Variants in EBF4 observed in about 807,000 individuals in gnomAD.
EBF4 encodes the protein EBF transcription factor 4.
A neutral mutation model predicts 67.1 loss-of-function variants in EBF4; 34 were observed. The observed-to-expected ratio is 0.51, with a 90% CI of 0.39 to 0.67. EBF4 has a LOEUF of 0.67. EBF4 is among the 30% of genes least tolerant of loss of function. The probability of loss-of-function intolerance (pLI) is 0.00; values close to 1 mark genes in which losing one functional copy is unlikely to be tolerated. For synonymous variants in EBF4, 387 were observed against 377.7 expected (o/e 1.02, Z -0.29); for missense variants, 837 against 873.3 (o/e 0.96, Z 0.52).
At chr20:2,732,560 C>A (rs1476854508) in intron 6 of EBF4, among the ~76,000 whole-genome samples, 1 of 152,212 alleles carries the variant, frequency 6.6e-6, no homozygotes, top group Non-Finnish European at 1.5e-5. Flanking sequence ...CTCCAGCTAT[C>A]TTTCAGTTAG....
At chr20:2,740,139 G>A (rs1438352220) in intron 6 of EBF4, among the ~76,000 whole-genome samples, 1 of 152,116 alleles carries the variant, frequency 6.6e-6, no homozygotes, top group African/African-American at 2.4e-5. Context: ...ATGGTGAAAC[G>A]CTGTCTCTAC....
Position 2,710,315 on chromosome 20 carries a change from A to AT in EBF4, c.557+679dup, listed in dbSNP as rs766773622. Among the ~76,000 whole-genome samples, 16 of 151,916 alleles carry AT rather than the reference A, an allele frequency of 1.1e-4. No individual in the cohort carries two copies. In the East Asian group the frequency reaches 1.9e-3, roughly 18 times the overall value. On this transcript the variant is annotated intron_variant, in intron 6 of 16. Transcript: ENST00000609451. ...AAGGACACGCCTCCACACCTGGCTA[A>AT]TTTTTTGTATTTTTTGTAGAGACCG...
intron 6 of EBF4, among the ~76,000 whole-genome samples, chr20:2,716,264 C>T (rs1031495106): frequency 4.7e-5 from 7 of 149,872 alleles, no homozygotes; most frequent in African/African-American, 1.2e-4. Flanking sequence ...CAGTGGCTCA[C>T]GCCTGTAATC....
At chr20:2,721,809 A>G (rs531948402) in intron 6 of EBF4, among the ~76,000 whole-genome samples, 2 of 152,264 alleles carry the variant, frequency 1.3e-5, no homozygotes, top group East Asian at 3.9e-4. Flanking sequence ...CTCTTCTATT[A>G]TATTTTTCTG....
chr20:2,744,053 C>T (rs1271872090), intron 6 of EBF4, among the ~76,000 whole-genome samples: 1 of 151,492 alleles, frequency 6.6e-6, no homozygotes, highest in Non-Finnish European at 1.5e-5. Flanking sequence ...GCTCTACCTC[C>T]AGGTCATCAA....
intron 5 of EBF4, among the ~76,000 whole-genome samples, 193 bp from the exon 6 acceptor site, chr20:2,709,381 C>T (rs1404395303): frequency 6.6e-6 from 1 of 151,914 alleles, no homozygotes; most frequent in African/African-American, 2.4e-5. Flanking sequence ...GCTAGGCTCT[C>T]AGGGTCCCTG....
Position 2,751,580 on chromosome 20 carries a change from G to T in EBF4, c.1019-120G>T. ...CCGGGGGACTTGGGCTGGGCCTGGTGGAGGGGGCTGCAGCGAGGCTCTCGG... is the reference window on the plus strand; with the variant it reads ...CCGGGGGACTTGGGCTGGGCCTGGTTGAGGGGGCTGCAGCGAGGCTCTCGG... On this transcript the variant is annotated intron_variant, in intron 10 of 16. Transcript: ENST00000609451. The surrounding 1 kb of genome is among the most constrained non-coding windows in gnomAD (Gnocchi z 5.2). The T allele has an allele frequency of 1.0e-6, 1 of 1,003,254 alleles. No individual in the cohort carries two copies. The allele number at this position is 1,003,254 out of a possible 1,614,324, so 62.1% of individuals were successfully genotyped here.
intron 6 of EBF4, among the ~76,000 whole-genome samples, chr20:2,742,256 C>T (rs1046123801): frequency 3.3e-5 from 5 of 152,068 alleles, no homozygotes; most frequent in Non-Finnish European, 5.9e-5. Flanking sequence ...TTTTCTCATC[C>T]GTAAAGTGGG....
chr20:2,699,852 G>A (rs1006667935), intron 1 of EBF4, among the ~76,000 whole-genome samples: 8 of 152,212 alleles, frequency 5.3e-5, no homozygotes, highest in Non-Finnish European at 1.2e-4. Flanking sequence ...AGGCCCTTGG[G>A]GCTGTAGCTT....
At chr20:2,695,030 G>A (rs1047137570) in intron 1 of EBF4, among the ~76,000 whole-genome samples, 9 of 151,872 alleles carry the variant, frequency 5.9e-5, no homozygotes, top group Non-Finnish European at 1.3e-4. Flanking sequence ...ACATTTTAGT[G>A]TATTTCCTTC....
At position 2,707,183 on chromosome 20, in the gene EBF4, T is replaced by C. The variant is rs926827737; in HGVS notation, c.415-764T>C. On this transcript the variant is annotated intron_variant, in intron 4 of 16. Coordinates refer to ENST00000609451, the Ensembl canonical transcript of EBF4. This position sits in a 1 kb window ranked among gnomAD's most constrained non-coding sequence, Gnocchi z 4.6. ...TTGTTTCTAGAATACCCATGGCCAC[T>C]GGGCTGGGGGAGGCAGGCCAGGCAG... Among the ~76,000 whole-genome samples, 4 of 152,028 alleles carry C rather than the reference T, an allele frequency of 2.6e-5. No individual in the cohort carries two copies. The highest frequency in any genetic ancestry group is 9.7e-5 in the African/African-American group (4 of 41,382).
chr20:2,727,802 C>T, intron 6 of EBF4, among the ~76,000 whole-genome samples: 1 of 152,194 alleles, frequency 6.6e-6, no homozygotes, highest in East Asian at 1.9e-4. Context: ...ATTTGCATTT[C>T]TCTAATGATG....
chr20:2,757,162 A>G (rs948181705), intron 15 of EBF4, among the ~76,000 whole-genome samples: 8 of 152,260 alleles, frequency 5.3e-5, no homozygotes, highest in African/African-American at 1.7e-4. Flanking sequence ...AAAATGCTCT[A>G]TGGAGCCTCT....
chr20:2,703,650 G>C (rs1285737763), intron 1 of EBF4, among the ~76,000 whole-genome samples: 5 of 147,090 alleles, frequency 3.4e-5, no homozygotes, highest in Admixed American at 6.8e-5. Context: ...GTGACAGAGT[G>C]AGATCCTGCC....
At chr20:2,759,547 C>G (rs137968630), downstream of EBF4, 53 of 158,856 alleles carry the variant, frequency 3.3e-4, no homozygotes, top group East Asian at 8.8e-3. Context: ...CTGGGCCTCA[C>G]TGTCTGGGTC....
intron 7 of EBF4, 139 bp downstream of exon 7, chr20:2,748,769 C>G: frequency 1.0e-6 from 1 of 993,986 alleles, no homozygotes; most frequent in Non-Finnish European, 1.4e-6. Context: ...TGTGCCTCCC[C>G]AGCCTGGTTG....
intron 6 of EBF4, 40 bp downstream of exon 6, chr20:2,709,682 G>A: frequency 6.7e-7 from 1 of 1,491,616 alleles, no homozygotes; most frequent in South Asian, 1.3e-5. Flanking sequence ...TCAGAGGAGA[G>A]TGGGGGAGGG....
chr20:2,726,892 T>C (rs973160216), intron 6 of EBF4, among the ~76,000 whole-genome samples: 4 of 152,286 alleles, frequency 2.6e-5, no homozygotes, highest in African/African-American at 7.2e-5. Flanking sequence ...CTTTTTCATC[T>C]TGCAAACCCG....
exon 4 of EBF4, chr20:2,706,235 G>C (rs1393824526): frequency 2.6e-6 from 4 of 1,552,038 alleles, no homozygotes; most frequent in Non-Finnish European, 2.6e-6. Flanking sequence ...AGACCTCTAC[G>C]TGCGTCTCAT....
Sources: allele counts gnomAD v4.1 joint callset (sites outside exome capture counted in the v4.1 genomes callset), GRCh38; gene constraint gnomAD v4.1.1; non-coding constraint Gnocchi (gnomAD v3.1); transcripts MANE v1.5; gene names NCBI Gene and HGNC (gene_info 2026-07-23, HGNC 2026-07-21).